TMCO6: variants seen among roughly 807,000 people sequenced by gnomAD.
TMCO6 encodes the protein transmembrane and coiled-coil domain-containing protein 6.
Under a neutral mutation model 61.8 loss-of-function variants are expected in TMCO6, and 47 were observed. That is an observed-to-expected ratio of 0.76 (90% CI 0.60 to 0.97). The LOEUF (loss-of-function observed/expected upper bound fraction) is 0.97. Among genes scored for constraint, TMCO6 ranks in the 50% least tolerant of loss-of-function variants. The pLI, the probability that TMCO6 is intolerant of heterozygous loss-of-function variation, is 0.00. For missense variants in TMCO6, 557 were observed against 601.6 expected (o/e 0.93, Z 0.78); for synonymous variants, 261 against 254.2 (o/e 1.03, Z -0.25).
downstream of TMCO6, chr5:140,645,550 G>C (rs1757344786): frequency 2.5e-6 from 4 of 1,612,982 alleles, no homozygotes; most frequent in Non-Finnish European, 3.4e-6. Context: ...CAGAGCCCAG[G>C]CTCTGGGGCT....
chr5:140,623,554 G>A, the TMCO6 span, among the ~76,000 whole-genome samples: 2 of 151,994 alleles, frequency 1.3e-5, no homozygotes, highest in Non-Finnish European at 2.9e-5. Flanking sequence ...TAAAAATCCC[G>A]CAACAGTTCA....
At chr5:140,638,561 C>CT (rs1196896206), upstream of TMCO6, among the ~76,000 whole-genome samples, 8 of 133,362 alleles carry the variant, frequency 6.0e-5, no homozygotes, top group African/African-American at 1.7e-4. Context: ...TTCTTTCTTT[C>CT]TTTCTTTTTT....
At chr5:140,623,772 G>A in the TMCO6 span, among the ~76,000 whole-genome samples, 2 of 151,936 alleles carry the variant, frequency 1.3e-5, no homozygotes, top group African/African-American at 4.8e-5. Context: ...AGAGATGGAG[G>A]GTCTCAGTAT....
chr5:140,630,838 G>T, the TMCO6 span, among the ~76,000 whole-genome samples: 1 of 152,168 alleles, frequency 6.6e-6, no homozygotes, highest in Non-Finnish European at 1.5e-5. Flanking sequence ...CCAGAGGCAG[G>T]TGCTGGGCCT....
At chr5:140,617,549 CA>C in the TMCO6 span, among the ~76,000 whole-genome samples, 1 of 150,842 alleles carries the variant, frequency 6.6e-6, no homozygotes, top group Non-Finnish European at 1.5e-5. Flanking sequence ...GGCTTTGTCT[CA>C]AAAAAACAAA....
At chr5:140,630,012 C>T in the TMCO6 span, among the ~76,000 whole-genome samples, 152 of 148,124 alleles carry the variant, frequency 1.0e-3, 1 homozygote, top group African/African-American at 3.5e-3. Context: ...TTTTTTGAGA[C>T]GGAGTCTCAC....
chr5:140,644,842 C>T (rs1757299786), intron 11 of TMCO6, 102 bp downstream of exon 11: 10 of 1,537,478 alleles, frequency 6.5e-6, no homozygotes, highest in South Asian at 2.4e-5. Flanking sequence ...CTGGGCCTGG[C>T]TAACCTATAT....
At chr5:140,640,531 G>C (rs1756957112) in intron 2 of TMCO6, among the ~76,000 whole-genome samples, 2 of 151,300 alleles carry the variant, frequency 1.3e-5, no homozygotes, top group Admixed American at 1.3e-4. Flanking sequence ...TCAGCCTCCC[G>C]AGTAGCAGGG....
chr5:140,642,410 C>T lies in TMCO6; in HGVS notation c.594C>T (p.Ala198=). 7 of 1,612,710 alleles carry T rather than the reference C, an allele frequency of 4.3e-6. No homozygotes were observed. The highest frequency in any genetic ancestry group is 5.9e-6 in the Non-Finnish European group (7 of 1,179,312). The change falls in exon 5 of 12, where the codon GCC becomes GCT. Residue 198 remains alanine, a synonymous_variant. Transcript: ENST00000394671. Reference sequence around the variant, plus strand: ...AGGGCATTGTTCCAGCCTTGGCTGCCTGCATCCAGGTGACTCCTTTCTTCC... The same window carrying T: ...AGGGCATTGTTCCAGCCTTGGCTGCTTGCATCCAGGTGACTCCTTTCTTCC... ...LPQGIVPALA[A]CIQSPHVAVL...
chr5:140,643,827 A>G lies in TMCO6; in HGVS notation c.966A>G (p.Ala322=), dbSNP rs769396121. 9.9e-6 allele frequency: 16 copies of G among 1,614,122 alleles called. No homozygotes were observed. In the East Asian group the frequency reaches 3.6e-4, roughly 36 times the overall value. The change falls in exon 9 of 12, where the codon GCA becomes GCG. Residue 322 remains alanine (A), a synonymous_variant. Transcript: ENST00000394671. ...GTCTAAGCAACCTGCTAACTGAGGC[A>G]GCAGTGGAGACTGTGGGAGGGCAAA... ...LRCLSNLLTE[A]AVETVGGQMQ...
chr5:140,635,769 G>A (rs1322297449), upstream of TMCO6, among the ~76,000 whole-genome samples: 1 of 152,182 alleles, frequency 6.6e-6, no homozygotes, highest in Non-Finnish European at 1.5e-5. Context: ...GTTGTTGGGG[G>A]AGAGGGGTGG....
upstream of TMCO6, among the ~76,000 whole-genome samples, chr5:140,635,232 C>T (rs1056994681): frequency 6.6e-6 from 1 of 152,248 alleles, no homozygotes; most frequent in East Asian, 1.9e-4. Flanking sequence ...GGTGCCATGC[C>T]AGGCCTCTGT....
chr5:140,647,093 AC>A, downstream of TMCO6: 1 of 796,672 alleles, frequency 1.3e-6, no homozygotes, highest in South Asian at 2.0e-5. Flanking sequence ...GCATCATATA[AC>A]CCTGCGAATA....
the TMCO6 span, among the ~76,000 whole-genome samples, chr5:140,624,225 C>T: frequency 6.6e-6 from 1 of 151,884 alleles, no homozygotes; most frequent in Admixed American, 6.6e-5. Flanking sequence ...ATTAGCCAGG[C>T]CTGGTGGTGC....
downstream of TMCO6, chr5:140,645,469 G>T: frequency 2.2e-6 from 3 of 1,351,336 alleles, no homozygotes; most frequent in South Asian, 2.4e-5. Flanking sequence ...AACACCCTGA[G>T]AAAGTATTTT....
the TMCO6 span, among the ~76,000 whole-genome samples, chr5:140,627,576 T>C: frequency 6.6e-6 from 1 of 152,232 alleles, no homozygotes; most frequent in Non-Finnish European, 1.5e-5. Flanking sequence ...TTTTAATTTT[T>C]CTGACAAAAT....
the TMCO6 span, among the ~76,000 whole-genome samples, chr5:140,618,732 T>G: frequency 6.6e-6 from 1 of 152,126 alleles, no homozygotes; most frequent in Non-Finnish European, 1.5e-5. Context: ...CCAGAGAATT[T>G]TTTTCAACAA....
the TMCO6 span, among the ~76,000 whole-genome samples, chr5:140,598,308 A>G: frequency 6.6e-6 from 1 of 151,244 alleles, no homozygotes; most frequent in Non-Finnish European, 1.5e-5. Flanking sequence ...CGCTAAAGTG[A>G]TCCTCCCGCC....
At chr5:140,597,366 C>A in the TMCO6 span, among the ~76,000 whole-genome samples, 1 of 151,534 alleles carries the variant, frequency 6.6e-6, no homozygotes, top group Admixed American at 6.6e-5. Context: ...AGTTCATTAT[C>A]ATATACTATG....
Sources: gnomAD v4.1 joint callset for allele counts (sites outside exome capture counted in the v4.1 genomes callset) on GRCh38, gnomAD v4.1.1 for gene constraint, MANE v1.5 for transcripts, NCBI Gene and HGNC (gene_info 2026-07-23, HGNC 2026-07-21) for gene names.